DRC11: variants seen among roughly 807,000 people sequenced by gnomAD.
The protein encoded by DRC11 is dynein regulatory complex subunit 11, also known as IQ and AAA domain-containing protein 1.
the DRC11 span, chr2:236,391,878 C>A: frequency 3.1e-6 from 3 of 953,768 alleles, no homozygotes; most frequent in East Asian, 7.2e-5. The surrounding 1 kb of genome is among the most constrained non-coding windows in gnomAD (Gnocchi z 4.5). Context: ...GTCCTGGCAA[C>A]AGGCGGCCCT....
chr2:236,351,841 C>T, the DRC11 span, among the ~76,000 whole-genome samples: 21 of 151,554 alleles, frequency 1.4e-4, no homozygotes, highest in African/African-American at 3.9e-4. This position sits in a 1 kb window ranked among gnomAD's most constrained non-coding sequence, Gnocchi z 7.3. Context: ...GGAGGGGTCT[C>T]GATGCTAGAT....
chr2:236,343,829 C>T, the DRC11 span: 1 of 1,021,030 alleles, frequency 9.8e-7, no homozygotes, highest in Non-Finnish European at 1.4e-6. This position sits in a 1 kb window ranked among gnomAD's most constrained non-coding sequence, Gnocchi z 6.6. Flanking sequence ...ACAGGGCAAT[C>T]AAGGCTCATT....
At chr2:236,357,865 A>G in the DRC11 span, among the ~76,000 whole-genome samples, 1 of 123,658 alleles carries the variant, frequency 8.1e-6, no homozygotes, top group Non-Finnish European at 1.6e-5. Flanking sequence ...TATATACTAT[A>G]TAAATATACA....
the DRC11 span, chr2:236,331,700 A>G: frequency 3.0e-4 from 234 of 791,848 alleles, no homozygotes; most frequent in Non-Finnish European, 4.4e-4. This position sits in a 1 kb window ranked among gnomAD's most constrained non-coding sequence, Gnocchi z 4.8. Flanking sequence ...AAAGGAATAC[A>G]CAGAAGTCTA....
At chr2:236,440,595 C>A in the DRC11 span, among the ~76,000 whole-genome samples, 1 of 152,180 alleles carries the variant, frequency 6.6e-6, no homozygotes, top group Non-Finnish European at 1.5e-5. Context: ...TGGGTCTTGA[C>A]AGCGGAGCAG....
chr2:236,488,292 G>T, the DRC11 span: 14 of 811,160 alleles, frequency 1.7e-5, no homozygotes, highest in East Asian at 4.2e-4. Context: ...TCCTGCTAAG[G>T]GTCCCCACGG....
chr2:236,313,951 G>T, the DRC11 span, among the ~76,000 whole-genome samples: 1 of 152,198 alleles, frequency 6.6e-6, no homozygotes, highest in African/African-American at 2.4e-5. This position sits in a 1 kb window ranked among gnomAD's most constrained non-coding sequence, Gnocchi z 4.5. Context: ...TGGGCAGCAT[G>T]AGAGATCCTC....
chr2:236,476,637 C>A, the DRC11 span, among the ~76,000 whole-genome samples: 1 of 152,152 alleles, frequency 6.6e-6, no homozygotes, highest in Admixed American at 6.6e-5. The surrounding 1 kb of genome is among the most constrained non-coding windows in gnomAD (Gnocchi z 4.7). Context: ...CCTTGTCCTG[C>A]ATGTTTCATG....
chr2:236,371,658 G>A, the DRC11 span, among the ~76,000 whole-genome samples: 2 of 152,142 alleles, frequency 1.3e-5, no homozygotes, highest in Non-Finnish European at 2.9e-5. This position sits in a 1 kb window ranked among gnomAD's most constrained non-coding sequence, Gnocchi z 5.1. Context: ...ACCAATCCTC[G>A]TGCCAAGGTG....
the DRC11 span, among the ~76,000 whole-genome samples, chr2:236,497,717 T>C: frequency 6.6e-6 from 1 of 152,320 alleles, no homozygotes; most frequent in South Asian, 2.1e-4. This position sits in a 1 kb window ranked among gnomAD's most constrained non-coding sequence, Gnocchi z 5.1. Flanking sequence ...TAAAAAGCAT[T>C]TTGTCTAAAT....
the DRC11 span, among the ~76,000 whole-genome samples, chr2:236,466,573 C>T: frequency 6.6e-6 from 1 of 152,076 alleles, no homozygotes; most frequent in African/African-American, 2.4e-5. Flanking sequence ...AGGAAGCTTA[C>T]AATCATGATG....
At chr2:236,406,476 G>A in the DRC11 span, among the ~76,000 whole-genome samples, 1 of 152,086 alleles carries the variant, frequency 6.6e-6, no homozygotes, top group East Asian at 1.9e-4. This position sits in a 1 kb window ranked among gnomAD's most constrained non-coding sequence, Gnocchi z 4.7. Flanking sequence ...TATATATTTT[G>A]AAATACATCT....
chr2:236,311,980 A>G, the DRC11 span, among the ~76,000 whole-genome samples: 1 of 152,050 alleles, frequency 6.6e-6, no homozygotes, highest in Admixed American at 6.6e-5. This position sits in a 1 kb window ranked among gnomAD's most constrained non-coding sequence, Gnocchi z 6.9. Flanking sequence ...TTCACTTTCC[A>G]GGCCATTGTT....
At chr2:236,321,811 G>A in the DRC11 span, among the ~76,000 whole-genome samples, 2 of 152,118 alleles carry the variant, frequency 1.3e-5, no homozygotes, top group African/African-American at 4.8e-5. Context: ...AGAAAGAGCA[G>A]ACAGTAAGAC....
At chr2:236,467,543 C>T in the DRC11 span, among the ~76,000 whole-genome samples, 1 of 152,092 alleles carries the variant, frequency 6.6e-6, no homozygotes. Flanking sequence ...TTATTTTATA[C>T]TTGTGCCTTC....
At chr2:236,503,630 C>A in the DRC11 span, 10 of 1,550,354 alleles carry the variant, frequency 6.5e-6, no homozygotes, top group South Asian at 1.1e-4. The surrounding 1 kb of genome is among the most constrained non-coding windows in gnomAD (Gnocchi z 4.9). Context: ...TGCATCATTA[C>A]CTGTTTTCCT....
chr2:236,334,026 A>G, the DRC11 span, among the ~76,000 whole-genome samples: 1 of 152,160 alleles, frequency 6.6e-6, no homozygotes, highest in Non-Finnish European at 1.5e-5. The surrounding 1 kb of genome is among the most constrained non-coding windows in gnomAD (Gnocchi z 7.8). Flanking sequence ...CTCTGAATAC[A>G]TGACTCATTG....
chr2:236,316,097 A>G, the DRC11 span, among the ~76,000 whole-genome samples: 1 of 152,168 alleles, frequency 6.6e-6, no homozygotes, highest in Admixed American at 6.5e-5. The surrounding 1 kb of genome is among the most constrained non-coding windows in gnomAD (Gnocchi z 6.8). Flanking sequence ...GTAACCACAA[A>G]GACAAAGTTG....
chr2:236,493,827 C>T, the DRC11 span: 1 of 1,607,764 alleles, frequency 6.2e-7, no homozygotes, highest in Non-Finnish European at 8.5e-7. Context: ...TTCTCTCTTC[C>T]TTTTATTACT....
Sources: gnomAD v4.1 joint callset for allele counts (sites outside exome capture counted in the v4.1 genomes callset) on GRCh38, gnomAD v4.1.1 for gene constraint, Gnocchi (gnomAD v3.1) non-coding constraint, MANE v1.5 for transcripts, NCBI Gene and HGNC (gene_info 2026-07-23, HGNC 2026-07-21) for gene names.